The following CIMAP1A variants were observed in gnomAD, a reference collection of about 807,000 sequenced individuals.
The protein encoded by CIMAP1A is cancer/testis antigen 135.
chr11:197,353 G>C, the CIMAP1A span: 23 of 1,597,354 alleles, frequency 1.4e-5, no homozygotes, highest in Non-Finnish European at 2.0e-5. Flanking sequence ...TCGCCCCCGG[G>C]GACCCATCAT....
the CIMAP1A span, chr11:197,469 T>C: frequency 1.9e-6 from 3 of 1,589,908 alleles, no homozygotes; most frequent in Non-Finnish European, 2.6e-6. Flanking sequence ...CAGGTGGGGG[T>C]CCCGGGAAGG....
At chr11:199,152 C>A in the CIMAP1A span, 1 of 1,408,548 alleles carries the variant, frequency 7.1e-7, no homozygotes, top group Non-Finnish European at 9.2e-7. Context: ...CCATTGCCAG[C>A]GTGAGGCTGA....
At chr11:198,395 T>C in the CIMAP1A span, 4 of 1,612,958 alleles carry the variant, frequency 2.5e-6, no homozygotes, top group African/African-American at 1.3e-5. Flanking sequence ...ATCTCCAGAG[T>C]TGGGGGAGAG....
chr11:197,404 C>T, the CIMAP1A span: 1 of 1,601,850 alleles, frequency 6.2e-7, no homozygotes, highest in Non-Finnish European at 8.5e-7. Flanking sequence ...CCTGATTCCA[C>T]CAACAACAGG....
the CIMAP1A span, chr11:198,396 T>TG: frequency 6.2e-7 from 1 of 1,613,184 alleles, no homozygotes; most frequent in Non-Finnish European, 8.5e-7. Context: ...TCTCCAGAGT[T>TG]GGGGGAGAGC....
chr11:198,708 C>A, the CIMAP1A span: 96 of 1,490,978 alleles, frequency 6.4e-5, no homozygotes, highest in Non-Finnish European at 7.9e-5. Flanking sequence ...CAGCCCTTCA[C>A]CCTCTGGGCA....
At chr11:197,409 A>G in the CIMAP1A span, 1 of 1,601,842 alleles carries the variant, frequency 6.2e-7, no homozygotes, top group Non-Finnish European at 8.5e-7. Context: ...TTCCACCAAC[A>G]ACAGGTAAGA....
chr11:197,211 G>C, the CIMAP1A span: 1 of 836,644 alleles, frequency 1.2e-6, no homozygotes, highest in Non-Finnish European at 1.8e-6. Flanking sequence ...TTCAGTGTCA[G>C]CAAGAGCAGG....
At chr11:197,462 G>A in the CIMAP1A span, 6 of 1,593,210 alleles carry the variant, frequency 3.8e-6, no homozygotes, top group Non-Finnish European at 4.3e-6. Flanking sequence ...AGGCGGGCAG[G>A]TGGGGGTCCC....
chr11:199,671 G>GC, the CIMAP1A span: 4 of 760,582 alleles, frequency 5.3e-6, no homozygotes, highest in Non-Finnish European at 5.5e-6. Flanking sequence ...GTGGGGTGGG[G>GC]ATGGGAGGCA....
At chr11:197,348 C>T in the CIMAP1A span, 1 of 1,595,838 alleles carries the variant, frequency 6.3e-7, no homozygotes, top group Non-Finnish European at 8.5e-7. Context: ...CCCCATCGCC[C>T]CCGGGGACCC....
chr11:199,005 G>A, the CIMAP1A span: 1 of 1,192,162 alleles, frequency 8.4e-7, no homozygotes, highest in African/African-American at 1.6e-5. Flanking sequence ...CTGAGATGGG[G>A]AAGCAGCATC....
At chr11:199,561 C>T in the CIMAP1A span, 1 of 1,521,348 alleles carries the variant, frequency 6.6e-7, no homozygotes, top group Non-Finnish European at 8.8e-7. Flanking sequence ...GGTCCTGGCC[C>T]AGAGGGATGT....
At chr11:198,127 C>T in the CIMAP1A span, 1 of 1,567,032 alleles carries the variant, frequency 6.4e-7, no homozygotes, top group African/African-American at 1.4e-5. Context: ...GTTGGGGAGT[C>T]CTCCTTGAGC....
the CIMAP1A span, chr11:197,987 G>C: frequency 3.9e-6 from 6 of 1,534,658 alleles, no homozygotes; most frequent in Non-Finnish European, 5.2e-6. Flanking sequence ...GCCGACGTCA[G>C]ACCCCACTCT....
the CIMAP1A span, chr11:198,698 C>T: frequency 1.3e-5 from 19 of 1,503,146 alleles, no homozygotes; most frequent in African/African-American, 2.4e-4. Flanking sequence ...TCAGCCCCCT[C>T]AGCCCTTCAC....
chr11:199,138 G>A, the CIMAP1A span: 9 of 1,398,814 alleles, frequency 6.4e-6, no homozygotes, highest in Non-Finnish European at 8.4e-6. Context: ...ACACACTGGG[G>A]ATGCCATTGC....
the CIMAP1A span, chr11:198,731 T>G: frequency 6.8e-7 from 1 of 1,468,072 alleles, no homozygotes; most frequent in East Asian, 2.4e-5. Flanking sequence ...TGCCACGTGC[T>G]GGGGTTACAC....
At chr11:198,198 G>A in the CIMAP1A span, 1 of 1,613,420 alleles carries the variant, frequency 6.2e-7, no homozygotes, top group South Asian at 1.1e-5. Context: ...TCCTTGTCCA[G>A]GTGACTACTT....
Sources: allele counts gnomAD v4.1 joint callset, GRCh38; gene constraint gnomAD v4.1.1; transcripts MANE v1.5; gene names NCBI Gene and HGNC (gene_info 2026-07-23, HGNC 2026-07-21).